The following ASRGL1 variants were observed in gnomAD, a reference collection of about 807,000 sequenced individuals.
The protein encoded by ASRGL1 is asparaginase and isoaspartyl peptidase 1.
ASRGL1 carries 16 observed loss-of-function variants against 22.4 expected under a neutral mutation model. That is an observed-to-expected ratio of 0.71 (90% confidence interval 0.48 to 1.08). The LOEUF (loss-of-function observed/expected upper bound fraction) is 1.08. Among genes scored for constraint, ASRGL1 ranks in the 50% least tolerant of loss-of-function variants. The pLI, the probability that ASRGL1 is intolerant of heterozygous loss-of-function variation, is 0.00. For missense variants in ASRGL1, 412 were observed against 410.1 expected (o/e 1.00, Z -0.04); for synonymous variants, 165 against 159.3 (o/e 1.04, Z -0.27).
the ASRGL1 span, among the ~76,000 whole-genome samples, chr11:62,401,114 G>C: frequency 2.6e-5 from 4 of 152,252 alleles, no homozygotes; most frequent in African/African-American, 4.8e-5. Context: ...AGAACAAGGA[G>C]TGCCCAAGGC....
intron 5 of ASRGL1, 51 bp from the exon 6 acceptor site, chr11:62,391,471 A>T: frequency 6.4e-7 from 1 of 1,557,750 alleles, no homozygotes; most frequent in African/African-American, 1.4e-5. Flanking sequence ...TCTAATATGG[A>T]TTTGAATTTC....
chr11:62,376,129 A>G (rs10750974), intron 4 of ASRGL1, among the ~76,000 whole-genome samples: 99,455 of 129,818 alleles, frequency 0.77, 38,648 homozygotes, highest in South Asian at 0.84. Context: ...AAAAAAAGCT[A>G]CAAGCAGCCT....
At chr11:62,381,113 G>A (rs1947056220) in intron 4 of ASRGL1, among the ~76,000 whole-genome samples, 1 of 152,072 alleles carries the variant, frequency 6.6e-6, no homozygotes, top group African/African-American at 2.4e-5. Context: ...GGCTGATATT[G>A]TGGATACTGT....
the ASRGL1 span, among the ~76,000 whole-genome samples, chr11:62,401,054 C>T: frequency 6.6e-6 from 1 of 152,206 alleles, no homozygotes; most frequent in African/African-American, 2.4e-5. Context: ...CTGGGAAAGC[C>T]TCTCCACAGA....
At chr11:62,375,894 G>A (rs551826265) in intron 4 of ASRGL1, among the ~76,000 whole-genome samples, 6 of 151,762 alleles carry the variant, frequency 4.0e-5, no homozygotes, top group South Asian at 4.2e-4. Flanking sequence ...GGTGGATCAC[G>A]AGATCAAGAC....
chr11:62,379,508 T>A (rs1947012420), intron 4 of ASRGL1, among the ~76,000 whole-genome samples: 1 of 152,166 alleles, frequency 6.6e-6, no homozygotes, highest in East Asian at 1.9e-4. Context: ...GAGGAGCTAA[T>A]AACCAATTGA....
chr11:62,382,939 A>G (rs1281587860), intron 4 of ASRGL1: 1 of 152,282 alleles, frequency 6.6e-6, no homozygotes, highest in Non-Finnish European at 1.5e-5. Context: ...TCAACACAGC[A>G]CGTCTCTGCG....
intron 4 of ASRGL1, among the ~76,000 whole-genome samples, chr11:62,369,542 G>C (rs2134650589): frequency 6.6e-6 from 1 of 152,204 alleles, no homozygotes; most frequent in Non-Finnish European, 1.5e-5. Flanking sequence ...TACACCTGCA[G>C]ACTAGCAACA....
At chr11:62,367,513 G>A (rs940663267) in intron 4 of ASRGL1, among the ~76,000 whole-genome samples, 9 of 149,942 alleles carry the variant, frequency 6.0e-5, no homozygotes, top group African/African-American at 1.5e-4. Flanking sequence ...GCGTGGTGGC[G>A]CATGCCTGTA....
At chr11:62,362,788 G>A (rs1193084708) in intron 4 of ASRGL1, among the ~76,000 whole-genome samples, 1 of 72,798 alleles carries the variant, frequency 1.4e-5, no homozygotes, top group Non-Finnish European at 2.5e-5. Flanking sequence ...TTTTTTTCTG[G>A]GAGTATCTAC....
intron 4 of ASRGL1, among the ~76,000 whole-genome samples, chr11:62,379,176 C>G (rs1319690985): frequency 6.6e-6 from 1 of 152,162 alleles, no homozygotes; most frequent in African/African-American, 2.4e-5. Context: ...TGTAATAGTA[C>G]TTTGATACAC....
chr11:62,338,812 C>T (rs1229664371), intron 2 of ASRGL1, among the ~76,000 whole-genome samples: 1 of 150,106 alleles, frequency 6.7e-6, no homozygotes, highest in Non-Finnish European at 1.5e-5. Context: ...AGGCGTGGTG[C>T]TAGGAGCCTG....
At position 62,362,510 on chromosome 11, in the gene ASRGL1, A is replaced by T. The variant is rs59612043; in HGVS notation, c.491+5366A>T. Among the ~76,000 whole-genome samples the T allele has an allele frequency of 7.5e-4, 36 of 48,278 alleles. 1 individual carries two copies. The highest frequency in any genetic ancestry group is 0.012 in the Middle Eastern group (1 of 86). The allele number at this position is 48,278 out of a possible 152,430, so 31.7% of individuals were successfully genotyped here. ...TAATATATATTATATAAAATATATA[A>T]CATATATTATTTATATAATATATAT... On this transcript the variant is annotated intron_variant, in intron 4 of 6. Coordinates refer to ENST00000415229, the MANE Select transcript of ASRGL1 (RefSeq NM_001083926.2).
intron 5 of ASRGL1, 120 bp downstream of exon 5, chr11:62,389,371 C>A: frequency 1.0e-6 from 1 of 984,972 alleles, no homozygotes; most frequent in Non-Finnish European, 1.6e-6. Flanking sequence ...TTTGGTGCAG[C>A]TCCAGGATGT....
chr11:62,345,514 C>G (rs1945994655), intron 2 of ASRGL1, among the ~76,000 whole-genome samples: 1 of 152,148 alleles, frequency 6.6e-6, no homozygotes, highest in Non-Finnish European at 1.5e-5. Context: ...AGTGATCCAC[C>G]AGCCTCAGCC....
At chr11:62,388,719 A>G (rs1947270705) in intron 4 of ASRGL1, among the ~76,000 whole-genome samples, 2 of 150,192 alleles carry the variant, frequency 1.3e-5, no homozygotes, top group African/African-American at 2.5e-5. Flanking sequence ...GCCTGTATCT[A>G]CCAAGTCACT....
intron 4 of ASRGL1, among the ~76,000 whole-genome samples, chr11:62,375,350 G>A (rs1446700497): frequency 4.1e-5 from 6 of 147,444 alleles, no homozygotes; most frequent in East Asian, 4.0e-4. Flanking sequence ...TTTGAAAGAG[G>A]CTTAGTGTGA....
At chr11:62,394,300 A>G (rs1947404347), downstream of ASRGL1, among the ~76,000 whole-genome samples, 3 of 142,430 alleles carry the variant, frequency 2.1e-5, no homozygotes, top group Admixed American at 1.5e-4. Flanking sequence ...TATATTATAT[A>G]TTATATAAAA....
In ASRGL1 at chr11:62,392,088, T is replaced by C. The variant is rs2134707621; in HGVS notation, c.731T>C (p.Val244Ala). The change falls in exon 7 of 7, where the codon GTA (valine) becomes GCA (alanine). Residue 244 changes from valine (V) to alanine (A), a missense_variant. Transcript: ENST00000415229. Reference protein sequence around the residue: ...TLFHIEQGKTVEEAADLSLGY... With the variant: ...TLFHIEQGKTAEEAADLSLGY... ...CCTTCCTTGTTTTCAGGAAAGACGG[T>C]AGAAGAGGCTGCGGACCTATCGTTG... is the stretch of plus-strand genomic sequence containing the variant. 1 of 1,614,192 alleles carries C rather than the reference T, an allele frequency of 6.2e-7. No homozygotes were observed. The highest frequency in any genetic ancestry group is 1.1e-5 in the South Asian group (1 of 91,076).
Sources: gnomAD v4.1 joint callset for allele counts (sites outside exome capture counted in the v4.1 genomes callset) on GRCh38, gnomAD v4.1.1 for gene constraint, MANE v1.5 for transcripts, NCBI Gene and HGNC (gene_info 2026-07-23, HGNC 2026-07-21) for gene names.